The following PDE1A variants were observed in gnomAD, a reference collection of about 807,000 sequenced individuals.
The protein encoded by PDE1A is dual specificity calcium/calmodulin-dependent 3',5'-cyclic nucleotide phosphodiesterase 1A.
In PDE1A, 35 loss-of-function variants were observed where a neutral mutation model predicts 61.7. The ratio of observed to expected loss-of-function variants is 0.57; its 90% CI spans 0.43 to 0.75. PDE1A has a LOEUF of 0.75. Among genes scored for constraint, PDE1A ranks in the 30% least tolerant of loss-of-function variants. The pLI is 0.00. For synonymous variants in PDE1A, 232 were observed against 213.2 expected (o/e 1.09, Z -0.77); for missense variants, 597 against 630.6 (o/e 0.95, Z 0.57).
intron 2 of PDE1A, among the ~76,000 whole-genome samples, chr2:182,455,932 A>AG (rs1234570821): frequency 6.6e-6 from 1 of 151,880 alleles, no homozygotes; most frequent in African/African-American, 2.4e-5. Context: ...AAGAGAAAAA[A>AG]AAAACAGAAG....
intron 1 of PDE1A, among the ~76,000 whole-genome samples, chr2:182,366,651 G>A (rs1357714085): frequency 6.6e-6 from 1 of 151,952 alleles, no homozygotes; most frequent in Admixed American, 6.6e-5. Flanking sequence ...TTTTAAGCAT[G>A]AGAAGCCAGA....
At chr2:182,320,715 T>A (rs1696644366) in intron 1 of PDE1A, among the ~76,000 whole-genome samples, 1 of 152,196 alleles carries the variant, frequency 6.6e-6, no homozygotes, top group Admixed American at 6.5e-5. Context: ...TTCAGTTGAA[T>A]AATTTTCAAT....
the PDE1A span, among the ~76,000 whole-genome samples, chr2:182,531,017 G>C: frequency 1.3e-5 from 2 of 152,000 alleles, no homozygotes; most frequent in Non-Finnish European, 2.9e-5. Context: ...AATGAGGTGA[G>C]AGTTCTATAC....
the PDE1A span, among the ~76,000 whole-genome samples, chr2:182,535,191 T>C: frequency 3.3e-5 from 5 of 152,082 alleles, no homozygotes; most frequent in Non-Finnish European, 5.9e-5. Flanking sequence ...TGATGCATTT[T>C]AAATTACATT....
intron 1 of PDE1A, among the ~76,000 whole-genome samples, chr2:182,350,296 G>C (rs1236590106): frequency 6.6e-6 from 1 of 152,092 alleles, no homozygotes; most frequent in Non-Finnish European, 1.5e-5. Flanking sequence ...CTCAGTATTG[G>C]GCTATGAGAG....
At chr2:182,710,546 C>T in the PDE1A span, among the ~76,000 whole-genome samples, 97 of 152,240 alleles carry the variant, frequency 6.4e-4, no homozygotes, top group Non-Finnish European at 1.5e-4. Context: ...CACTGTTCTC[C>T]TCTCTGCTTC....
At chr2:182,374,920 G>A (rs935485689) in intron 1 of PDE1A, among the ~76,000 whole-genome samples, 7 of 152,172 alleles carry the variant, frequency 4.6e-5, no homozygotes, top group African/African-American at 7.2e-5. Flanking sequence ...AGAAAGTTTC[G>A]TCTTACATGG....
chr2:182,193,779 G>T (rs1022048848), intron 10 of PDE1A, among the ~76,000 whole-genome samples: 1 of 152,102 alleles, frequency 6.6e-6, no homozygotes, highest in African/African-American at 2.4e-5. Context: ...TGGTGTAATC[G>T]GTGTTTATAG....
chr2:182,393,293 C>T (rs989660416), intron 1 of PDE1A, among the ~76,000 whole-genome samples: 2 of 152,208 alleles, frequency 1.3e-5, no homozygotes, highest in South Asian at 2.1e-4. Context: ...CTGAGCTGTA[C>T]GTTGGCCCCT....
In PDE1A at chr2:182,404,123, G is replaced by A. The variant is rs530354266; in HGVS notation, c.53+22455C>T. On this transcript the variant is annotated intron_variant, in intron 1 of 13. Transcript: ENST00000351439. ...AATGGTCCTGGTAAATATGAAATAA[G>A]CCATGAAGAAATTCTATGCTTCAAA... Among the ~76,000 whole-genome samples the A allele has an allele frequency of 3.3e-5, 5 of 151,848 alleles. No homozygotes were observed. The South Asian group carries it at 1.0e-3, about 32-fold the overall frequency.
the PDE1A span, among the ~76,000 whole-genome samples, chr2:182,558,895 A>T: frequency 3.3e-5 from 5 of 152,294 alleles, no homozygotes; most frequent in South Asian, 6.2e-4. Flanking sequence ...GTCAACATTT[A>T]TTCAATCTCA....
At chr2:182,326,521 T>G (rs929784658) in intron 1 of PDE1A, among the ~76,000 whole-genome samples, 1 of 152,290 alleles carries the variant, frequency 6.6e-6, no homozygotes, top group East Asian at 1.9e-4. Context: ...CCTAGAATAG[T>G]CAAATTCACA....
At position 182,240,311 on chromosome 2, in the gene PDE1A, A is replaced by C. The variant is rs759483830; in HGVS notation, c.168-19T>G. Reference sequence around the variant, plus strand: ...AAGTCTTCTACAAAAATTTATACAGATTAAACTTTTTTATAAAAAAGTGAA... The same window carrying C: ...AAGTCTTCTACAAAAATTTATACAGCTTAAACTTTTTTATAAAAAAGTGAA... On this transcript the variant is annotated intron_variant, in intron 2 of 13. Coordinates refer to ENST00000351439, the Ensembl canonical transcript of PDE1A. 5 of 1,470,520 alleles carry C rather than the reference A, an allele frequency of 3.4e-6. No individual in the cohort carries two copies. Among genetic ancestry groups the C allele is most frequent in the Non-Finnish European group, 4.5e-6 (5 of 1,101,350 alleles). 91.1% of individuals were successfully genotyped at this position (1,470,520 alleles called of 1,614,324 possible).
chr2:182,304,750 A>G (rs1695469685), intron 1 of PDE1A, among the ~76,000 whole-genome samples: 2 of 152,220 alleles, frequency 1.3e-5, no homozygotes, highest in African/African-American at 4.8e-5. Flanking sequence ...TGAGTTGGCC[A>G]TCTTATATGG....
chr2:182,423,702 G>A (rs1160319770), intron 1 of PDE1A, among the ~76,000 whole-genome samples: 1 of 152,028 alleles, frequency 6.6e-6, no homozygotes, highest in African/African-American at 2.4e-5. Flanking sequence ...TTGCCTGCCT[G>A]TAGCACATTT....
the PDE1A span, among the ~76,000 whole-genome samples, chr2:182,626,389 A>AT: frequency 6.6e-6 from 1 of 151,946 alleles, no homozygotes; most frequent in Non-Finnish European, 1.5e-5. Context: ...GGACACCTGA[A>AT]TTTTTTTTAA....
the PDE1A span, among the ~76,000 whole-genome samples, chr2:182,578,739 G>A: frequency 6.6e-6 from 1 of 152,180 alleles, no homozygotes; most frequent in East Asian, 1.9e-4. Flanking sequence ...TTGTAGCAGT[G>A]TACATAGTTT....
chr2:182,253,405 T>C (rs751259664), intron 2 of PDE1A, among the ~76,000 whole-genome samples: 6 of 152,194 alleles, frequency 3.9e-5, no homozygotes, highest in Non-Finnish European at 7.3e-5. Context: ...TCTTTCTACA[T>C]GAACAACTTT....
rs1455165438 is a variant in PDE1A at position 182,498,029 on chromosome 2, G to A, written c.101+24247C>T. On this transcript the variant is annotated intron_variant, in intron 2 of 14. Transcript: ENST00000410103. ...CCACTGCACCCCAGCCTGTGCGACA[G>A]AGCGAGATTGCGTCTCAAAAAAAAA... Among the ~76,000 whole-genome samples the A allele has an allele frequency of 3.2e-5, 4 of 123,280 alleles. No individual in the cohort carries two copies. The East Asian group carries it at 9.5e-4, about 29-fold the overall frequency. 80.9% of individuals were successfully genotyped at this position (123,280 alleles called of 152,430 possible).
Sources: gnomAD v4.1 joint callset for allele counts (sites outside exome capture counted in the v4.1 genomes callset) on GRCh38, gnomAD v4.1.1 for gene constraint, MANE v1.5 for transcripts, NCBI Gene and HGNC (gene_info 2026-07-23, HGNC 2026-07-21) for gene names.